FMN1: variants seen among roughly 807,000 people sequenced by gnomAD.
The protein encoded by FMN1 is formin 1.
Under a neutral mutation model 132.4 loss-of-function variants are expected in FMN1, and 110 were observed. The observed-to-expected ratio is 0.83, with a 90% CI of 0.71 to 0.97. FMN1 has a LOEUF of 0.97. Ranked by LOEUF, FMN1 falls within the 50% of genes least tolerant of loss-of-function variation. The pLI, the probability that FMN1 is intolerant of heterozygous loss-of-function variation, is 0.00. For synonymous variants in FMN1, 722 were observed against 651.7 expected (o/e 1.11, Z -1.64); for missense variants, 1,792 against 1,705.3 (o/e 1.05, Z -0.90).
rs554668539 is a variant in FMN1, at chr15:32,767,465, G to A, written c.*6845C>T. 6.6e-6 allele frequency: 1 copy of A among 152,248 alleles called. No individual in the cohort carries two copies. Among genetic ancestry groups the A allele is most frequent in the South Asian group, 2.1e-4 (1 of 4,822 alleles). 9.4% of individuals were successfully genotyped at this position (152,248 alleles called of 1,614,324 possible). A position where few individuals can be genotyped will look rare whatever the true frequency, so the allele number is the denominator to read the frequency against. On this transcript the variant is annotated 3_prime_UTR_variant, in exon 21 of 21. Coordinates refer to ENST00000616417, the MANE Select transcript of FMN1 (RefSeq NM_001277313.2). ...GTGCTTATTTTCCAGGCCAAAGCAC[G>A]ATCCCCTAAATCAAAGTCCAAGGCC...
intron 4 of FMN1, among the ~76,000 whole-genome samples, chr15:33,145,127 C>T (rs1210991743): frequency 6.6e-6 from 1 of 152,062 alleles, no homozygotes; most frequent in African/African-American, 2.4e-5. Context: ...ATCATGTGTG[C>T]TCGTGGATGT....
chr15:32,785,218 A>ATATATATATATTTTTTTTT (rs1444523400), intron 19 of FMN1, among the ~76,000 whole-genome samples: 19 of 39,202 alleles, frequency 4.8e-4, no homozygotes, highest in Non-Finnish European at 7.2e-4. Context: ...ATATATATAT[A>ATATATATATATTTTTTTTT]TTTTTTTTTT....
Position 32,785,218 on chromosome 15 carries a change from ATTTTTTTT to A in FMN1, c.4131-8307_4131-8300del, listed in dbSNP as rs1230723314. Among the ~76,000 whole-genome samples the A allele has an allele frequency of 6.6e-4, 26 of 39,202 alleles. 1 individual carries two copies. Among genetic ancestry groups the A allele is most frequent in the African/African-American group, 2.7e-3 (23 of 8,384 alleles). 25.7% of individuals were successfully genotyped at this position (39,202 alleles called of 152,430 possible). ...TGTGTGTGTATATATATATATATATATTTTTTTTTTTTTTTTTTTGTAGAGATGAGGTT... is the reference window on the plus strand; with the variant it reads ...TGTGTGTGTATATATATATATATATATTTTTTTTTTTGTAGAGATGAGGTT... On this transcript the variant is annotated intron_variant, in intron 19 of 20. Coordinates refer to ENST00000616417, the MANE Select transcript of FMN1 (RefSeq NM_001277313.2).
At chr15:33,128,243 C>A (rs1218648085) in intron 4 of FMN1, among the ~76,000 whole-genome samples, 1 of 151,530 alleles carries the variant, frequency 6.6e-6, no homozygotes, top group Non-Finnish European at 1.5e-5. Flanking sequence ...ACCATAATTT[C>A]CAACACCCTC....
intron 17 of FMN1, among the ~76,000 whole-genome samples, chr15:32,810,675 C>T (rs898637536): frequency 2.6e-5 from 4 of 152,118 alleles, no homozygotes; most frequent in African/African-American, 9.7e-5. Flanking sequence ...ATGAGAGTGG[C>T]TGAAGGAGGA....
At chr15:33,189,863 A>G (rs1285227593) in intron 2 of FMN1, among the ~76,000 whole-genome samples, 1 of 152,184 alleles carries the variant, frequency 6.6e-6, no homozygotes, top group African/African-American at 2.4e-5. Flanking sequence ...CTTGGAATAG[A>G]CTTTGAGGAC....
chr15:32,952,360 T>C (rs1271808823), intron 9 of FMN1, among the ~76,000 whole-genome samples: 2 of 152,228 alleles, frequency 1.3e-5, no homozygotes, highest in East Asian at 3.8e-4. Context: ...GATCTATTTA[T>C]AATGAGCCCC....
intron 6 of FMN1, among the ~76,000 whole-genome samples, chr15:33,032,914 G>C (rs1226680410): frequency 2.0e-5 from 3 of 152,156 alleles, no homozygotes; most frequent in African/African-American, 7.2e-5. Context: ...TACTTCGCAA[G>C]GTCATTGTGA....
chr15:33,101,386 T>C (rs192839862), intron 4 of FMN1, among the ~76,000 whole-genome samples: 3 of 152,194 alleles, frequency 2.0e-5, no homozygotes, highest in Non-Finnish European at 4.4e-5. Context: ...TTGGCTTCCC[T>C]GGGCCACATT....
At chr15:32,990,824 T>A (rs1050296968) in intron 7 of FMN1, among the ~76,000 whole-genome samples, 1 of 152,164 alleles carries the variant, frequency 6.6e-6, no homozygotes, top group South Asian at 2.1e-4. Flanking sequence ...AGGAGAAGAA[T>A]GAGAGTCAAG....
At chr15:33,056,274 A>C (rs1342441391) in intron 6 of FMN1, among the ~76,000 whole-genome samples, 1 of 152,232 alleles carries the variant, frequency 6.6e-6, no homozygotes, top group African/African-American at 2.4e-5. Flanking sequence ...GTTTGCCATT[A>C]AAAGAAAAAC....
chr15:32,926,236 C>T lies in FMN1; in HGVS notation c.3164G>A (p.Arg1055Gln), dbSNP rs897033964. Residue 1055 changes from arginine (R) to glutamine (Q), a missense_variant, in exon 10 of 21, where the codon CGA (arginine) becomes CAA (glutamine). Arg to Gln is a conservative substitution (Grantham distance 43). This residue lies in a region of FMN1 where 1,150 missense variants were observed against 1,043.1 expected (regional missense o/e 1.10). Coordinates refer to ENST00000616417, the MANE Select transcript of FMN1 (RefSeq NM_001277313.2). Reference protein sequence around the residue: ...KKIIKLLDGKRSQTVGILISS... With the variant: ...KKIIKLLDGKQSQTVGILISS... ...TATCAAGATTCCCACAGTTTGAGAT[C>T]GTTTTCCATCCAACAATTTGATGAT... 5 of 1,529,276 alleles carry T rather than the reference C, an allele frequency of 3.3e-6. No homozygotes were observed. In the East Asian group the frequency reaches 7.0e-5, roughly 22 times the overall value. 94.7% of individuals were successfully genotyped at this position (1,529,276 alleles called of 1,614,324 possible). A position where few individuals can be genotyped will look rare whatever the true frequency, so the allele number is the denominator to read the frequency against.
chr15:33,080,657 T>G (rs545225019), intron 5 of FMN1, among the ~76,000 whole-genome samples: 26 of 151,064 alleles, frequency 1.7e-4, no homozygotes, highest in Admixed American at 1.4e-3. Flanking sequence ...GAGGCTGAGG[T>G]GGGCGGATCA....
In FMN1 at chr15:32,901,315, TTC is replaced by T. The variant is rs553235260; in HGVS notation, c.3507+594_3507+595del. Among the ~76,000 whole-genome samples, 227 of 152,350 alleles carry T rather than the reference TTC, an allele frequency of 1.5e-3. 1 individual carries two copies. Among genetic ancestry groups the T allele is most frequent in the Middle Eastern group, 3.4e-3 (1 of 294 alleles). On this transcript the variant is annotated intron_variant, in intron 13 of 20. Coordinates refer to ENST00000616417, the MANE Select transcript of FMN1 (RefSeq NM_001277313.2). ...CATATCTTAGAGGAAAAAAAATCAT[TTC>T]TCCAAATAAGGAACAAAGTACTACA...
At chr15:32,779,582 C>T (rs1164763874) in intron 19 of FMN1, among the ~76,000 whole-genome samples, 1 of 152,150 alleles carries the variant, frequency 6.6e-6, no homozygotes, top group African/African-American at 2.4e-5. Context: ...TAAACAGACA[C>T]AGAGCTTTCA....
chr15:32,868,569 T>C (rs1036484857), intron 16 of FMN1, among the ~76,000 whole-genome samples: 4 of 152,178 alleles, frequency 2.6e-5, no homozygotes, highest in East Asian at 1.9e-4. Context: ...CACATGACTG[T>C]ATGTATGTAT....
chr15:33,073,244 G>A (rs529509383), intron 5 of FMN1, among the ~76,000 whole-genome samples: 2 of 152,316 alleles, frequency 1.3e-5, no homozygotes, highest in African/African-American at 4.8e-5. Context: ...GCATCTCACT[G>A]TTAGGCTACT....
intron 7 of FMN1, among the ~76,000 whole-genome samples, chr15:33,000,225 G>C (rs2034014216): frequency 6.6e-6 from 1 of 152,112 alleles, no homozygotes; most frequent in South Asian, 2.1e-4. Flanking sequence ...AGAGGTGGGT[G>C]GATCATGAGG....
intron 9 of FMN1, among the ~76,000 whole-genome samples, chr15:32,930,622 T>TA (rs2061089171): frequency 1.3e-5 from 2 of 152,250 alleles, no homozygotes; most frequent in South Asian, 4.1e-4. Context: ...TCCCATTCTG[T>TA]AAGTTGTCTT....
Sources: gnomAD v4.1 joint callset for allele counts (sites outside exome capture counted in the v4.1 genomes callset) on GRCh38, gnomAD v4.1.1 for gene constraint, gnomAD v4.1.1 regional missense constraint, MANE v1.5 for transcripts, NCBI Gene and HGNC (gene_info 2026-07-23, HGNC 2026-07-21) for gene names.